Variants in VCPKMT observed in about 807,000 individuals in gnomAD.
The protein encoded by VCPKMT is valosin containing protein lysine methyltransferase, also known as protein N-lysine methyltransferase METTL21D.
In VCPKMT, 32 loss-of-function variants were observed where a neutral mutation model predicts 28.6. The observed-to-expected ratio is 1.12, with a 90% CI of 0.84 to 1.50. The LOEUF is 1.50. Among genes scored for constraint, VCPKMT ranks in the 40% most tolerant of loss-of-function variants. VCPKMT has a pLI of 0.00. For synonymous variants in VCPKMT, 138 were observed against 111.4 expected (o/e 1.24, Z -1.50); for missense variants, 366 against 285.0 (o/e 1.28, Z -2.05).
chr14:50,115,975 G>A, intron 2 of VCPKMT, 64 bp from the exon 3 acceptor site: 3 of 1,597,284 alleles, frequency 1.9e-6, no homozygotes, highest in South Asian at 2.2e-5. Context: ...GTTTTATAAA[G>A]AACCGGAAAG....
At chr14:50,108,564 C>G, downstream of VCPKMT, 1 of 967,062 alleles carries the variant, frequency 1.0e-6, no homozygotes, top group Non-Finnish European at 1.2e-6. Flanking sequence ...CTAAATAGGG[C>G]TGCTTTTGCT....
At position 50,109,083 on chromosome 14, in the gene VCPKMT, A is replaced by T. The variant is rs2139427668; in HGVS notation, c.*616T>A. On this transcript the variant is annotated 3_prime_UTR_variant, in exon 6 of 6. Coordinates refer to ENST00000395860, the MANE Select transcript of VCPKMT (RefSeq NM_024558.3). ...TACAGTACAATTTACTGATTAAATCACATAGATATGTATGGTGGAGGAAAA... is the reference window on the plus strand; with the variant it reads ...TACAGTACAATTTACTGATTAAATCTCATAGATATGTATGGTGGAGGAAAA... 2.0e-6 allele frequency: 2 copies of T among 980,708 alleles called. No homozygotes were observed. The highest frequency in any genetic ancestry group is 9.4e-5 in the South Asian group (2 of 21,218). 60.8% of individuals were successfully genotyped at this position (980,708 alleles called of 1,614,324 possible).
At chr14:50,103,033 C>T in the VCPKMT span, among the ~76,000 whole-genome samples, 1 of 152,196 alleles carries the variant, frequency 6.6e-6, no homozygotes, top group East Asian at 1.9e-4. Flanking sequence ...CCTCTTAAAA[C>T]ATTATAAGAT....
chr14:50,109,048 A>G lies in VCPKMT; in HGVS notation c.*651T>C. 1.0e-6 allele frequency: 1 copy of G among 985,160 alleles called. No individual in the cohort carries two copies. Among genetic ancestry groups the G allele is most frequent in the Non-Finnish European group, 1.2e-6 (1 of 829,636 alleles). 61.0% of individuals were successfully genotyped at this position (985,160 alleles called of 1,614,324 possible). A position where few individuals can be genotyped will look rare whatever the true frequency, so the allele number is the denominator to read the frequency against. On this transcript the variant is annotated 3_prime_UTR_variant, in exon 6 of 6. Transcript: ENST00000395860. ...CTCCAATCTTCTGATTTGTCTTCTT[A>G]GCAACTCATTACAGTACAATTTACT...
intron 5 of VCPKMT, among the ~76,000 whole-genome samples, chr14:50,110,305 G>C (rs1053963127): frequency 6.6e-6 from 1 of 152,190 alleles, no homozygotes; most frequent in African/African-American, 2.4e-5. Context: ...TTGAGAAAAT[G>C]AAAAGACAAC....
intron 5 of VCPKMT, chr14:50,111,362 T>C (rs1267811366): frequency 2.0e-6 from 2 of 985,340 alleles, no homozygotes; most frequent in African/African-American, 3.5e-5. Context: ...ATCCCGCTGC[T>C]GCCTTTTTAC....
intron 4 of VCPKMT, among the ~76,000 whole-genome samples, 153 bp downstream of exon 4, chr14:50,114,132 T>G (rs1412141345): frequency 6.6e-6 from 1 of 152,156 alleles, no homozygotes. Flanking sequence ...AAAGGGGAGC[T>G]TCGTAGAATC....
intron 4 of VCPKMT, among the ~76,000 whole-genome samples, chr14:50,114,009 T>C (rs1357348838): frequency 6.6e-6 from 1 of 152,236 alleles, no homozygotes; most frequent in Non-Finnish European, 1.5e-5. Flanking sequence ...GGCAGCATCA[T>C]GTTTAATAAA....
chr14:50,106,690 T>A, downstream of VCPKMT: 1 of 968,870 alleles, frequency 1.0e-6, no homozygotes, highest in Non-Finnish European at 1.2e-6. Flanking sequence ...ACATCTTGAA[T>A]CTCTAGTTAC....
chr14:50,109,307 T>A lies in VCPKMT; in HGVS notation c.*392A>T. 1 of 998,404 alleles carries A rather than the reference T, an allele frequency of 1.0e-6. No homozygotes were observed. The highest frequency in any genetic ancestry group is 1.2e-6 in the Non-Finnish European group (1 of 838,452). 61.8% of individuals were successfully genotyped at this position (998,404 alleles called of 1,614,324 possible). On this transcript the variant is annotated 3_prime_UTR_variant, in exon 6 of 6. Transcript: ENST00000395860. Reference sequence around the variant, plus strand: ...ATTTACTAGTTTGAATTTAAAACATTATTATATAATAGCAGATAGTTCTCT... The same window carrying A: ...ATTTACTAGTTTGAATTTAAAACATAATTATATAATAGCAGATAGTTCTCT...
At position 50,112,667 on chromosome 14, in the gene VCPKMT, T is replaced by A; in HGVS notation, c.623A>T (p.Glu208Val). ...FEKIPLEKHDEEYRSEDIHII... is the reference protein window; with the variant it reads ...FEKIPLEKHDVEYRSEDIHII... ...ATGAATATCTTCACTTCGATACTCTTCATCATGTTTTTCCAAAGGAATTTT... is the reference window on the plus strand; with the variant it reads ...ATGAATATCTTCACTTCGATACTCTACATCATGTTTTTCCAAAGGAATTTT... The change falls in exon 5 of 6, where the codon GAA (glutamate) becomes GTA (valine). Residue 208 changes from glutamate (E) to valine (V), a missense_variant. Coordinates refer to ENST00000395860, the MANE Select transcript of VCPKMT (RefSeq NM_024558.3). The A allele has an allele frequency of 6.3e-7, 1 of 1,576,774 alleles. No individual in the cohort carries two copies. Among genetic ancestry groups the A allele is most frequent in the Non-Finnish European group, 8.6e-7 (1 of 1,158,090 alleles).
At chr14:50,114,479 AG>A in intron 3 of VCPKMT, 75 bp from the exon 4 acceptor site, 1 of 1,070,208 alleles carries the variant, frequency 9.3e-7, no homozygotes, top group Non-Finnish European at 1.3e-6. Flanking sequence ...GAGGAGGTAC[AG>A]GGGTATTTAT....
chr14:50,116,315 C>A lies in VCPKMT; in HGVS notation c.238G>T (p.Ala80Ser), dbSNP rs1883206310. ...AGGGTAGCAGCCATGAGCCCCACGG[C>A]CCCGGTGCCCGAACCCAGCTCCAGC... is the stretch of plus-strand genomic sequence containing the variant. Reference protein sequence around the residue: ...SVLELGSGTGAVGLMAATLGA... With the variant: ...SVLELGSGTGSVGLMAATLGA... Residue 80 changes from alanine (A) to serine (S), a missense_variant, in exon 1 of 6, where the codon GCC becomes TCC. Ala to Ser is a moderately conservative substitution (Grantham distance 99). Transcript: ENST00000395860. The A allele has an allele frequency of 3.1e-6, 5 of 1,608,342 alleles. No homozygotes were observed. The highest frequency in any genetic ancestry group is 4.2e-6 in the Non-Finnish European group (5 of 1,177,444).
At chr14:50,109,883 C>A (rs1373712840) in intron 5 of VCPKMT, among the ~76,000 whole-genome samples, 170 bp from the exon 6 acceptor site, 31 of 152,104 alleles carry the variant, frequency 2.0e-4, no homozygotes, top group Admixed American at 2.0e-3. Flanking sequence ...TTTGCTGACA[C>A]CTAACAAGCA....
At chr14:50,107,677 A>G (rs1331961032), downstream of VCPKMT, among the ~76,000 whole-genome samples, 1 of 152,210 alleles carries the variant, frequency 6.6e-6, no homozygotes, top group East Asian at 1.9e-4. Context: ...AATGTATGCA[A>G]ATGATTTATC....
At chr14:50,106,869 C>T (rs1566801864), downstream of VCPKMT, among the ~76,000 whole-genome samples, 1 of 152,166 alleles carries the variant, frequency 6.6e-6, no homozygotes, top group Non-Finnish European at 1.5e-5. Context: ...CAGGTGTACA[C>T]CACCACACCC....
intron 4 of VCPKMT, chr14:50,113,452 C>T (rs555131282): frequency 3.3e-5 from 5 of 152,014 alleles, no homozygotes; most frequent in South Asian, 2.1e-4. Context: ...ATAGATGTAC[C>T]CTCAAAAGGA....
downstream of VCPKMT, among the ~76,000 whole-genome samples, chr14:50,107,242 G>A (rs1023474768): frequency 6.6e-6 from 1 of 152,146 alleles, no homozygotes; most frequent in African/African-American, 2.4e-5. Flanking sequence ...ATCAGTGGTC[G>A]AATCTTAGAA....
chr14:50,105,641 A>C (rs184628809), downstream of VCPKMT, among the ~76,000 whole-genome samples: 154 of 152,326 alleles, frequency 1.0e-3, no homozygotes, highest in South Asian at 0.02. Context: ...GAAACAAAAC[A>C]AAACAACAAA....
Sources: allele counts gnomAD v4.1 joint callset (sites outside exome capture counted in the v4.1 genomes callset), GRCh38; gene constraint gnomAD v4.1.1; transcripts MANE v1.5; gene names NCBI Gene and HGNC (gene_info 2026-07-23, HGNC 2026-07-21).